Variants in SPOCK3 observed in about 807,000 individuals in gnomAD.
The protein encoded by SPOCK3 is testican-3.
Under a neutral mutation model 56.6 loss-of-function variants are expected in SPOCK3, and 30 were observed. The observed-to-expected ratio is 0.53, with a 90% CI of 0.40 to 0.72. The LOEUF is 0.72. Ranked by LOEUF, SPOCK3 falls within the 30% of genes least tolerant of loss-of-function variation. The probability of loss-of-function intolerance (pLI) is 0.00; values close to 1 mark genes in which losing one functional copy is unlikely to be tolerated. For synonymous variants in SPOCK3, 196 were observed against 183.3 expected (o/e 1.07, Z -0.56); for missense variants, 527 against 530.0 (o/e 0.99, Z 0.06).
chr4:167,151,147 A>T (rs1057093107), intron 2 of SPOCK3, among the ~76,000 whole-genome samples: 10 of 152,194 alleles, frequency 6.6e-5, no homozygotes, highest in African/African-American at 2.4e-4. Context: ...CACACCCAAG[A>T]TGAGCTAAAT....
Position 166,837,814 on chromosome 4 carries a change from C to CT in SPOCK3, c.590-45526dup, listed in dbSNP as rs943079967. On this transcript the variant is annotated intron_variant, in intron 6 of 10. Transcript: ENST00000357545. ...TATTGTTTCCTTTAGCATTTTCTTT[C>CT]TTTTTTCCAGACTTTCCTATAGTTA... 3.2e-4 allele frequency among the ~76,000 whole-genome samples: 48 copies of CT among 152,090 alleles called. 1 individual carries two copies. Among genetic ancestry groups the CT allele is most frequent in the African/African-American group, 8.4e-4 (35 of 41,484 alleles).
chr4:167,038,594 G>A (rs1211549050), intron 3 of SPOCK3, among the ~76,000 whole-genome samples: 2 of 149,976 alleles, frequency 1.3e-5, no homozygotes, highest in Admixed American at 6.7e-5. Context: ...CACTCCCAGG[G>A]TGCCATCCAC....
chr4:166,927,643 G>C (rs1387296881), intron 4 of SPOCK3, among the ~76,000 whole-genome samples: 1 of 152,082 alleles, frequency 6.6e-6, no homozygotes, highest in African/African-American at 2.4e-5. Flanking sequence ...TAACATAGAA[G>C]AAAATCTACA....
chr4:166,949,400 G>A (rs1471690785), intron 4 of SPOCK3, among the ~76,000 whole-genome samples: 1 of 152,174 alleles, frequency 6.6e-6, no homozygotes, highest in Admixed American at 6.5e-5. Flanking sequence ...CGTTCCTTTG[G>A]AGGAGGAGAG....
At chr4:167,218,558 C>T (rs1490726695) in intron 2 of SPOCK3, among the ~76,000 whole-genome samples, 1 of 152,098 alleles carries the variant, frequency 6.6e-6, no homozygotes, top group Non-Finnish European at 1.5e-5. Flanking sequence ...CTAAAAACTG[C>T]CTATGCTTCT....
intron 7 of SPOCK3, among the ~76,000 whole-genome samples, chr4:166,777,050 A>T (rs2126598516): frequency 6.6e-6 from 1 of 152,332 alleles, no homozygotes; most frequent in Admixed American, 6.5e-5. Flanking sequence ...AAACTCAGAT[A>T]CATTTTGTAA....
At position 167,068,570 on chromosome 4, in the gene SPOCK3, T is replaced by C. The variant is rs567944365; in HGVS notation, c.190-6033A>G. 3.3e-5 allele frequency among the ~76,000 whole-genome samples: 5 copies of C among 151,914 alleles called. No homozygotes were observed. In the South Asian group the frequency reaches 1.0e-3, roughly 32 times the overall value. On this transcript the variant is annotated intron_variant, in intron 2 of 10. Transcript: ENST00000357545. ...ATGGTATATTTTAGGAAGATTATAA[T>C]ATATGGAATAGGTGGTTAGAAAGCA...
At chr4:166,804,042 C>T (rs879513699) in intron 6 of SPOCK3, among the ~76,000 whole-genome samples, 4 of 152,024 alleles carry the variant, frequency 2.6e-5, no homozygotes, top group Non-Finnish European at 2.9e-5. Context: ...GAAGGGGGTT[C>T]GAAGACTTTT....
intron 3 of SPOCK3, among the ~76,000 whole-genome samples, chr4:167,016,214 T>TTC (rs1750603204): frequency 6.6e-6 from 1 of 152,098 alleles, no homozygotes; most frequent in Non-Finnish European, 1.5e-5. Context: ...TAAGTAGTTT[T>TTC]TGATATTAAA....
chr4:166,977,632 T>A lies in SPOCK3; in HGVS notation c.350+22717A>T, dbSNP rs1746104613. The stretch of plus-strand genomic sequence containing the variant: ...AATACTTGTGTTTTCATTTGCAGAA[T>A]ATATATTTTCAAGGATATTTGGAGG... On this transcript the variant is annotated intron_variant, in intron 4 of 10. Coordinates refer to ENST00000357545, the MANE Select transcript of SPOCK3 (RefSeq NM_001040159.2). Among the ~76,000 whole-genome samples the A allele has an allele frequency of 2.0e-5, 3 of 152,248 alleles. No homozygotes were observed. The South Asian group carries it at 6.2e-4, about 32-fold the overall frequency.
chr4:167,187,341 A>T (rs1732086304), intron 2 of SPOCK3, among the ~76,000 whole-genome samples: 1 of 145,800 alleles, frequency 6.9e-6, no homozygotes, highest in African/African-American at 2.5e-5. Flanking sequence ...CTTTCTTCCT[A>T]TTTATCAGCA....
intron 5 of SPOCK3, among the ~76,000 whole-genome samples, chr4:166,904,233 T>C (rs988432485): frequency 1.3e-5 from 2 of 151,958 alleles, no homozygotes; most frequent in Non-Finnish European, 2.9e-5. Context: ...GGAACAATAT[T>C]AGTGTATGTT....
intron 5 of SPOCK3, among the ~76,000 whole-genome samples, chr4:166,896,710 G>A (rs550968481): frequency 4.4e-4 from 67 of 152,150 alleles, no homozygotes; most frequent in Non-Finnish European, 5.3e-4. Flanking sequence ...TTCCATGTTT[G>A]TAAATACTTT....
intron 2 of SPOCK3, among the ~76,000 whole-genome samples, chr4:167,148,238 G>A (rs1764138218): frequency 6.6e-6 from 1 of 152,128 alleles, no homozygotes; most frequent in African/African-American, 2.4e-5. Flanking sequence ...CTGGCATCTA[G>A]TGGGTAGAGA....
chr4:166,923,178 T>A (rs1438245606), intron 4 of SPOCK3, among the ~76,000 whole-genome samples: 1 of 152,184 alleles, frequency 6.6e-6, no homozygotes, highest in Non-Finnish European at 1.5e-5. Flanking sequence ...AACTTTCTAC[T>A]CCATCTTCCT....
chr4:166,868,206 G>A (rs1732058893), intron 6 of SPOCK3, among the ~76,000 whole-genome samples: 1 of 151,746 alleles, frequency 6.6e-6, no homozygotes, highest in Admixed American at 6.6e-5. Context: ...GGGAGGCTGA[G>A]ATGGTGAGAT....
intron 4 of SPOCK3, among the ~76,000 whole-genome samples, chr4:166,933,514 C>T (rs970321267): frequency 6.6e-6 from 1 of 152,124 alleles, no homozygotes; most frequent in African/African-American, 2.4e-5. Flanking sequence ...CACAGGAAAT[C>T]TCAATTCTCT....
intron 2 of SPOCK3, among the ~76,000 whole-genome samples, chr4:167,130,033 T>A (rs985570079): frequency 6.6e-6 from 1 of 152,190 alleles, no homozygotes; most frequent in East Asian, 1.9e-4. Context: ...AAATTTTTTT[T>A]GAGATAGGAT....
At chr4:166,802,718 G>T (rs1276114611) in intron 6 of SPOCK3, among the ~76,000 whole-genome samples, 2 of 152,010 alleles carry the variant, frequency 1.3e-5, no homozygotes, top group Non-Finnish European at 2.9e-5. Flanking sequence ...ATTCTGGAAG[G>T]TTAGCCTGGT....
Sources: allele counts gnomAD v4.1 joint callset (sites outside exome capture counted in the v4.1 genomes callset), GRCh38; gene constraint gnomAD v4.1.1; transcripts MANE v1.5; gene names NCBI Gene and HGNC (gene_info 2026-07-23, HGNC 2026-07-21).